Variants in ZYG11B observed in about 807,000 individuals in gnomAD.
The protein encoded by ZYG11B is zyg-11 family member B, cell cycle regulator, also known as protein zyg-11 homolog B.
ZYG11B carries 36 observed loss-of-function variants against 82.4 expected under a neutral mutation model. The observed-to-expected ratio is 0.44, with a 90% CI of 0.33 to 0.58. The LOEUF is 0.58. Among genes scored for constraint, ZYG11B ranks in the 20% least tolerant of loss-of-function variants. The probability of loss-of-function intolerance (pLI) is 0.02; values close to 1 mark genes in which losing one functional copy is unlikely to be tolerated. For missense variants in ZYG11B, 552 were observed against 895.6 expected (o/e 0.62, Z 4.90); for synonymous variants, 303 against 312.8 (o/e 0.97, Z 0.33).
intron 1 of ZYG11B, among the ~76,000 whole-genome samples, chr1:52,751,966 T>G (rs1165575485): frequency 7.4e-6 from 1 of 135,972 alleles, no homozygotes; most frequent in Non-Finnish European, 1.5e-5. Flanking sequence ...AGATGTGTGG[T>G]TTTTTTTTTT....
chr1:52,793,353 A>G, intron 6 of ZYG11B, among the ~76,000 whole-genome samples: 1 of 152,010 alleles, frequency 6.6e-6, no homozygotes. Context: ...TACTAAAAAT[A>G]CAAAAAATTA....
chr1:52,727,805 A>G (rs1186302828), intron 1 of ZYG11B, among the ~76,000 whole-genome samples: 1 of 152,120 alleles, frequency 6.6e-6, no homozygotes, highest in East Asian at 1.9e-4. Flanking sequence ...TTGGGTTATA[A>G]GTGGTTTGCT....
Position 52,726,610 on chromosome 1 carries a change from C to CG in ZYG11B, c.-41dup. Reference sequence around the variant, plus strand: ...CCTCCGCGCCGGCTCAGCCTGGGGGCGGGCTCCGGTCCGGCCCGCCGCCGC... The same window carrying CG: ...CCTCCGCGCCGGCTCAGCCTGGGGGCGGGGCTCCGGTCCGGCCCGCCGCCGC... On this transcript the variant is annotated 5_prime_UTR_variant, in exon 1 of 14. Coordinates refer to ENST00000294353, the MANE Select transcript of ZYG11B (RefSeq NM_024646.3). 7.1e-7 allele frequency: 1 copy of CG among 1,402,150 alleles called. No individual in the cohort carries two copies. Among genetic ancestry groups the CG allele is most frequent in the Non-Finnish European group, 9.2e-7 (1 of 1,084,958 alleles). The allele number at this position is 1,402,150 out of a possible 1,614,324, so 86.9% of individuals were successfully genotyped here.
At chr1:52,739,591 A>T (rs576620591) in intron 1 of ZYG11B, among the ~76,000 whole-genome samples, 1 of 152,016 alleles carries the variant, frequency 6.6e-6, no homozygotes, top group Non-Finnish European at 1.5e-5. Flanking sequence ...AATTAAGTTA[A>T]TATTTGCAAA....
intron 2 of ZYG11B, among the ~76,000 whole-genome samples, chr1:52,763,668 G>A (rs1459297999): frequency 2.0e-5 from 3 of 152,082 alleles, no homozygotes; most frequent in East Asian, 1.9e-4. Context: ...TCTACTTATC[G>A]GGGTCTGTGA....
In ZYG11B at chr1:52,803,187, TACACATATATATATATAC is replaced by T. The variant is rs1558140371; in HGVS notation, c.1695+1054_1695+1071del. Among the ~76,000 whole-genome samples the T allele has an allele frequency of 1.7e-3, 136 of 78,288 alleles. 5 individuals are homozygous for T. The highest frequency in any genetic ancestry group is 0.014 in the African/African-American group (125 of 8,666). 51.4% of individuals were successfully genotyped at this position (78,288 alleles called of 152,430 possible). A position where few individuals can be genotyped will look rare whatever the true frequency, so the allele number is the denominator to read the frequency against. On this transcript the variant is annotated intron_variant, in intron 10 of 13. Coordinates refer to ENST00000294353, the MANE Select transcript of ZYG11B (RefSeq NM_024646.3). ...ATATATACACACATATATATATATA[TACACATATATATATATAC>T]ACACACATATATATATATACACACA...
chr1:52,751,830 T>A (rs931338985), intron 1 of ZYG11B, among the ~76,000 whole-genome samples: 5 of 152,072 alleles, frequency 3.3e-5, no homozygotes, highest in African/African-American at 1.2e-4. Flanking sequence ...AAAAACAACA[T>A]TTTTTCCTTC....
At chr1:52,818,262 C>T (rs915998962) in intron 13 of ZYG11B, among the ~76,000 whole-genome samples, 2 of 151,496 alleles carry the variant, frequency 1.3e-5, no homozygotes, top group Admixed American at 6.6e-5. Flanking sequence ...CGCTTGAGCC[C>T]GGGAGTTTGA....
rs915891250 is a variant in ZYG11B, at chr1:52,824,946, G to C, written c.*3317G>C. ...GCTGTTTCAAGCACAATTTAGACTA[G>C]GGTTGAACCACTCATTGTTCAAATC... On this transcript the variant is annotated 3_prime_UTR_variant, in exon 14 of 14. Transcript: ENST00000294353. 6 of 152,148 alleles carry C rather than the reference G, an allele frequency of 3.9e-5. No homozygotes were observed. The highest frequency in any genetic ancestry group is 2.6e-4 in the Admixed American group (4 of 15,270). The allele number at this position is 152,148 out of a possible 1,614,324, so 9.4% of individuals were successfully genotyped here.
chr1:52,805,710 TC>T (rs1645136726), intron 10 of ZYG11B, among the ~76,000 whole-genome samples: 1 of 152,074 alleles, frequency 6.6e-6, no homozygotes, highest in South Asian at 2.1e-4. Context: ...CCCATGCCTG[TC>T]CCAGCTACTC....
intron 1 of ZYG11B, among the ~76,000 whole-genome samples, chr1:52,733,257 C>G (rs1464863687): frequency 2.0e-5 from 3 of 152,118 alleles, no homozygotes; most frequent in Admixed American, 6.6e-5. Flanking sequence ...TCCCTGATTT[C>G]AAAATAATAG....
At chr1:52,791,239 C>CT (rs1460602894) in intron 6 of ZYG11B, among the ~76,000 whole-genome samples, 1 of 152,108 alleles carries the variant, frequency 6.6e-6, no homozygotes, top group Non-Finnish European at 1.5e-5. Flanking sequence ...TCCCAAAGTG[C>CT]TGGGATTACA....
chr1:52,807,818 C>G (rs1195742418), intron 10 of ZYG11B, among the ~76,000 whole-genome samples: 1 of 152,078 alleles, frequency 6.6e-6, no homozygotes, highest in Admixed American at 6.6e-5. Context: ...TAAAAGACAT[C>G]CTTTAACATT....
intron 3 of ZYG11B, among the ~76,000 whole-genome samples, chr1:52,773,277 C>T (rs1644770667): frequency 6.6e-6 from 1 of 151,632 alleles, no homozygotes; most frequent in Admixed American, 6.6e-5. Flanking sequence ...AGTTCAAGAC[C>T]AGCTTGGCCA....
chr1:52,811,723 T>A lies in ZYG11B; in HGVS notation c.1696-1813T>A, dbSNP rs75627349. Among the ~76,000 whole-genome samples the A allele has an allele frequency of 5.1e-3, 776 of 152,290 alleles. 12 individuals carry two copies. Among genetic ancestry groups the A allele is most frequent in the African/African-American group, 0.017 (720 of 41,564 alleles). ...CAGATACTTAGTTTTGTTTTTTTTTTAATTTCTATAATTTACATTTAGGTT... is the reference window on the plus strand; with the variant it reads ...CAGATACTTAGTTTTGTTTTTTTTTAAATTTCTATAATTTACATTTAGGTT... On this transcript the variant is annotated intron_variant, in intron 10 of 13. Transcript: ENST00000294353.
chr1:52,812,042 T>G (rs1326383306), intron 10 of ZYG11B, among the ~76,000 whole-genome samples: 1 of 152,040 alleles, frequency 6.6e-6, no homozygotes, highest in Non-Finnish European at 1.5e-5. Context: ...AAAAAAAAAT[T>G]TACATTTAGG....
intron 3 of ZYG11B, among the ~76,000 whole-genome samples, chr1:52,778,939 A>G (rs767458006): frequency 6.6e-6 from 1 of 152,162 alleles, no homozygotes; most frequent in Non-Finnish European, 1.5e-5. Context: ...GCATAACGCT[A>G]GCTATTGTGG....
intron 6 of ZYG11B, among the ~76,000 whole-genome samples, chr1:52,794,475 T>C (rs1337038608): frequency 6.6e-6 from 1 of 152,200 alleles, no homozygotes; most frequent in Non-Finnish European, 1.5e-5. Context: ...TCAACATATA[T>C]TAAACATTAT....
In ZYG11B at chr1:52,827,290, T is replaced by G. The variant is rs983691917; in HGVS notation, c.*5661T>G. On this transcript the variant is annotated 3_prime_UTR_variant, in exon 14 of 14. Coordinates refer to ENST00000294353, the MANE Select transcript of ZYG11B (RefSeq NM_024646.3). ...TAAGTATTAATGTTGTGTGTACAGA[T>G]TTTTGTTTTGGGATTTTTTTTGCCT... 1 of 152,178 alleles carries G rather than the reference T, an allele frequency of 6.6e-6. No individual in the cohort carries two copies. The highest frequency in any genetic ancestry group is 1.5e-5 in the Non-Finnish European group (1 of 68,024). The allele number at this position is 152,178 out of a possible 1,614,324, so 9.4% of individuals were successfully genotyped here. A position where few individuals can be genotyped will look rare whatever the true frequency, so the allele number is the denominator to read the frequency against.
Sources: allele counts gnomAD v4.1 joint callset (sites outside exome capture counted in the v4.1 genomes callset), GRCh38; gene constraint gnomAD v4.1.1; transcripts MANE v1.5; gene names NCBI Gene and HGNC (gene_info 2026-07-23, HGNC 2026-07-21).